PCDHGB7: variants seen among roughly 807,000 people sequenced by gnomAD.
PCDHGB7 encodes protocadherin gamma-B7.
Under a neutral mutation model 61.4 loss-of-function variants are expected in PCDHGB7, and 37 were observed. The observed-to-expected ratio is 0.60, with a 90% CI of 0.46 to 0.79. The LOEUF is 0.79. PCDHGB7 is among the 30% of genes least tolerant of loss of function. The pLI is 0.00. For synonymous variants in PCDHGB7, 464 were observed against 503.5 expected (o/e 0.92, Z 1.05); for missense variants, 1,166 against 1,202.5 (o/e 0.97, Z 0.45).
At position 141,505,417 on chromosome 5, in the gene PCDHGB7, C is replaced by T; in HGVS notation, c.2499C>T (p.Gly833=). The change falls in exon 3 of 4, where the codon GGC becomes GGT. Residue 833 remains glycine, a synonymous_variant. Coordinates refer to ENST00000398594, the MANE Select transcript of PCDHGB7 (RefSeq NM_018927.4). ...TSGSQNGDDT[G]TWPNNQFDTE... is the part of the protein sequence containing the mutation. ...GCTCCCAAAATGGCGATGACACCGG[C>T]ACCTGGCCCAACAACCAGTTTGACA... 1 of 1,614,212 alleles carries T rather than the reference C, an allele frequency of 6.2e-7. No individual in the cohort carries two copies. Among genetic ancestry groups the T allele is most frequent in the Non-Finnish European group, 8.5e-7 (1 of 1,180,024 alleles).
chr5:141,459,609 T>C (rs939880462), intron 1 of PCDHGB7, among the ~76,000 whole-genome samples: 1 of 152,230 alleles, frequency 6.6e-6, no homozygotes, highest in African/African-American at 2.4e-5. Context: ...AAGTATATGC[T>C]TAACTTTATA....
Position 141,420,003 on chromosome 5 carries a change from T to C in PCDHGB7, c.2144T>C (p.Leu715Pro). ...GTGATTCTAGCTATTGCTCTACGCC[T>C]GCGACAGTCTTTCAGCCCTACTGCA... Reference protein sequence around the residue: ...LAVILAIALRLRQSFSPTAGD... With the variant: ...LAVILAIALRPRQSFSPTAGD... The change falls in exon 1 of 4, where the codon CTG becomes CCG. Residue 715 changes from leucine (L) to proline (P), a missense_variant. Leu to Pro is a moderately conservative substitution (Grantham distance 98). Coordinates refer to ENST00000398594, the MANE Select transcript of PCDHGB7 (RefSeq NM_018927.4). 6.2e-7 allele frequency: 1 copy of C among 1,614,100 alleles called. No individual in the cohort carries two copies. Among genetic ancestry groups the C allele is most frequent in the Non-Finnish European group, 8.5e-7 (1 of 1,179,912 alleles).
intron 2 of PCDHGB7, among the ~76,000 whole-genome samples, chr5:141,501,109 C>G (rs909874167): frequency 2.0e-5 from 3 of 152,106 alleles, no homozygotes; most frequent in Non-Finnish European, 4.4e-5. Context: ...CCTCGTGATC[C>G]GCCTGCCTCA....
At chr5:141,423,033 C>A (rs2096701827) in intron 1 of PCDHGB7, 2 of 1,614,102 alleles carry the variant, frequency 1.2e-6, no homozygotes, top group Non-Finnish European at 1.7e-6. Flanking sequence ...CAGGCCAGAA[C>A]GCCTGGCTGT....
In PCDHGB7 at chr5:141,455,477, C is replaced by T. The variant is rs557286491; in HGVS notation, c.2415+35203C>T. On this transcript the variant is annotated intron_variant, in intron 1 of 3. Coordinates refer to ENST00000398594, the MANE Select transcript of PCDHGB7 (RefSeq NM_018927.4). ...TACCAGCCAGGTATATATGCAGAGG[C>T]TGGTGGAGGTGATGTCTGATTTGCA... Among the ~76,000 whole-genome samples the T allele has an allele frequency of 1.2e-4, 18 of 152,252 alleles. No homozygotes were observed. The South Asian group carries it at 3.7e-3, about 32-fold the overall frequency.
chr5:141,455,159 G>GTT (rs1390145608), intron 1 of PCDHGB7, among the ~76,000 whole-genome samples: 4 of 144,860 alleles, frequency 2.8e-5, no homozygotes, highest in African/African-American at 7.8e-5. Context: ...TTAGTTTGTT[G>GTT]GTTTTTTTTT....
intron 1 of PCDHGB7, among the ~76,000 whole-genome samples, chr5:141,436,998 A>T (rs985067199): frequency 6.6e-6 from 1 of 152,242 alleles, no homozygotes; most frequent in African/African-American, 2.4e-5. Context: ...GTTTACTTCA[A>T]TGGGATCTTA....
intron 2 of PCDHGB7, among the ~76,000 whole-genome samples, chr5:141,495,296 T>TCCTCCAGAG (rs998633800): frequency 1.3e-5 from 2 of 152,054 alleles, no homozygotes; most frequent in Non-Finnish European, 2.9e-5. Flanking sequence ...ACTCAGCGCC[T>TCCTCCAGAG]CCTCCAGAGC....
rs375080564 is a variant in PCDHGB7 at position 141,486,676 on chromosome 5, T to C, written c.2416-8131T>C. On this transcript the variant is annotated intron_variant, in intron 1 of 3. Transcript: ENST00000398594. The surrounding 1 kb of genome is among the most constrained non-coding windows in gnomAD (Gnocchi z 5.0). ...CACTCCTGGAGCCCAGGAATCGAGA[T>C]GTATCAGCTTCCTCTTTCATCTCTC... The C allele has an allele frequency of 6.2e-7, 1 of 1,614,120 alleles. No homozygotes were observed. The highest frequency in any genetic ancestry group is 1.7e-5 in the Admixed American group (1 of 60,032).
rs1430298222 is a variant in PCDHGB7, at chr5:141,476,741, A to C, written c.2416-18066A>C. ...CGCCCTGGACCGAGAACGGGAGCCTAGTCTCCAGTTAGTGCTGACGGCGTT... is the reference window on the plus strand; with the variant it reads ...CGCCCTGGACCGAGAACGGGAGCCTCGTCTCCAGTTAGTGCTGACGGCGTT... On this transcript the variant is annotated intron_variant, in intron 1 of 3. Coordinates refer to ENST00000398594, the MANE Select transcript of PCDHGB7 (RefSeq NM_018927.4). The surrounding 1 kb of genome is among the most constrained non-coding windows in gnomAD (Gnocchi z 7.6). 1 of 1,613,936 alleles carries C rather than the reference A, an allele frequency of 6.2e-7. No homozygotes were observed. Among genetic ancestry groups the C allele is most frequent in the South Asian group, 1.1e-5 (1 of 91,088 alleles).
intron 1 of PCDHGB7, chr5:141,428,082 G>T (rs776612130): frequency 1.2e-6 from 2 of 1,609,030 alleles, no homozygotes; most frequent in South Asian, 2.2e-5. Flanking sequence ...GGGACACAAC[G>T]CTTGGCTGTC....
At position 141,417,952 on chromosome 5, in the gene PCDHGB7, G is replaced by C. The variant is rs766243694; in HGVS notation, c.93G>C (p.Glu31Asp). 10 of 1,613,510 alleles carry C rather than the reference G, an allele frequency of 6.2e-6. No individual in the cohort carries two copies. In the African/African-American group the frequency reaches 1.3e-4, roughly 22 times the overall value. The change falls in exon 1 of 4, where the codon GAG (glutamate) becomes GAC (aspartate). Residue 31 changes from glutamate (E) to aspartate (D), a missense_variant. Physicochemically the swap from Glu to Asp is conservative, Grantham distance 45. Coordinates refer to ENST00000398594, the MANE Select transcript of PCDHGB7 (RefSeq NM_018927.4). ...CTTTGTTCTACCCCACGCTGTGTGA[G>C]CCGATCCGCTACTCGATTCCGGAGG... Reference protein sequence around the residue: ...LLPLFYPTLCEPIRYSIPEEL... With the variant: ...LLPLFYPTLCDPIRYSIPEEL...
intron 1 of PCDHGB7, chr5:141,478,044 C>A (rs1302168166): frequency 1.9e-6 from 3 of 1,614,184 alleles, no homozygotes; most frequent in South Asian, 1.1e-5. Flanking sequence ...CCCAGGCAGA[C>A]TCTCACGGTC....
intron 1 of PCDHGB7, among the ~76,000 whole-genome samples, chr5:141,471,778 A>T (rs2099264151): frequency 6.6e-6 from 1 of 152,244 alleles, no homozygotes; most frequent in Non-Finnish European, 1.5e-5. Flanking sequence ...TGAGTTTGAC[A>T]TTATGCTATG....
chr5:141,444,494 A>G (rs892854259), intron 1 of PCDHGB7, among the ~76,000 whole-genome samples: 1 of 152,010 alleles, frequency 6.6e-6, no homozygotes, highest in Admixed American at 6.6e-5. Flanking sequence ...ATATTGTGTA[A>G]TACTTTGCTC....
Position 141,418,732 on chromosome 5 carries a change from G to A in PCDHGB7, c.873G>A (p.Val291=), listed in dbSNP as rs747081573. 1 of 1,613,994 alleles carries A rather than the reference G, an allele frequency of 6.2e-7. No homozygotes were observed. The highest frequency in any genetic ancestry group is 8.5e-7 in the Non-Finnish European group (1 of 1,179,868). The change falls in exon 1 of 4, where the codon GTG becomes GTA. Residue 291 remains valine, a synonymous_variant. Transcript: ENST00000398594. Reference sequence around the variant, plus strand: ...GTGTGGCTGACAAAGCTCAGCACGTGTTCTCTCTGGATTACACTACAGGAA... The same window carrying A: ...GTGTGGCTGACAAAGCTCAGCACGTATTCTCTCTGGATTACACTACAGGAA... ...FFGVADKAQH[V]FSLDYTTGNI...
chr5:141,467,055 C>CTT (rs1193465269), intron 1 of PCDHGB7, among the ~76,000 whole-genome samples: 5 of 134,496 alleles, frequency 3.7e-5, no homozygotes, highest in African/African-American at 5.4e-5. Context: ...TCAATGTTTT[C>CTT]TTTTTTTTTT....
At position 141,497,103 on chromosome 5, in the gene PCDHGB7, T is replaced by C. The variant is rs182534106; in HGVS notation, c.2474+2238T>C. On this transcript the variant is annotated intron_variant, in intron 2 of 3. Transcript: ENST00000398594. ...ACTTAGGAGGCTGAGGCAGAACTGC[T>C]TGAACCCGGAAGGCAGAGGTTGCAG... Among the ~76,000 whole-genome samples, 34 of 152,160 alleles carry C rather than the reference T, an allele frequency of 2.2e-4. 1 individual carries two copies. Among genetic ancestry groups the C allele is most frequent in the Admixed American group, 6.6e-4 (10 of 15,264 alleles).
At position 141,494,704 on chromosome 5, in the gene PCDHGB7, T is replaced by C. The variant is rs2099756232; in HGVS notation, c.2416-103T>C. Reference sequence around the variant, plus strand: ...CCCCCTCTTAGTCCGTTTTCTTCTCTGTGCCCACTCCCCTCCTTCTCTCCC... The same window carrying C: ...CCCCCTCTTAGTCCGTTTTCTTCTCCGTGCCCACTCCCCTCCTTCTCTCCC... On this transcript the variant is annotated intron_variant, in intron 1 of 3. Transcript: ENST00000398594. The C allele has an allele frequency of 3.1e-6, 5 of 1,597,570 alleles. No individual in the cohort carries two copies. The Admixed American group carries it at 8.5e-5, about 27-fold the overall frequency.
Sources: allele counts gnomAD v4.1 joint callset (sites outside exome capture counted in the v4.1 genomes callset), GRCh38; gene constraint gnomAD v4.1.1; non-coding constraint Gnocchi (gnomAD v3.1); transcripts MANE v1.5; gene names NCBI Gene and HGNC (gene_info 2026-07-23, HGNC 2026-07-21).